Variants in KHDRBS3 observed in about 807,000 individuals in gnomAD.
KHDRBS3 encodes KH RNA binding domain containing, signal transduction associated 3, also known as KH domain-containing, RNA-binding, signal transduction-associated protein 3.
Under a neutral mutation model 45.6 loss-of-function variants are expected in KHDRBS3, and 23 were observed. That is an observed-to-expected ratio of 0.50 (90% CI 0.36 to 0.72). The LOEUF (loss-of-function observed/expected upper bound fraction) is 0.72. Ranked by LOEUF, KHDRBS3 falls within the 30% of genes least tolerant of loss-of-function variation. The pLI is 0.00. For missense variants in KHDRBS3, 352 were observed against 424.8 expected, an observed-to-expected ratio of 0.83 and a Z score of 1.51; for synonymous variants, 162 against 156.5, an observed-to-expected ratio of 1.04 and a Z score of -0.26.
At chr8:135,611,434 A>G (rs1005914987) in intron 7 of KHDRBS3, among the ~76,000 whole-genome samples, 5 of 151,932 alleles carry the variant, frequency 3.3e-5, no homozygotes, top group African/African-American at 7.3e-5. Flanking sequence ...CTGCTCTGCT[A>G]TAAATTGAAA....
chr8:135,525,552 G>A (rs1016982035), intron 2 of KHDRBS3, among the ~76,000 whole-genome samples: 5 of 152,098 alleles, frequency 3.3e-5, no homozygotes, highest in African/African-American at 1.2e-4. Flanking sequence ...TTTATATTTT[G>A]CTGTGAGTTT....
In KHDRBS3 at chr8:135,516,356, G is replaced by A. The variant is rs562067617; in HGVS notation, c.89-4881G>A. On this transcript the variant is annotated intron_variant, in intron 1 of 8. Coordinates refer to ENST00000355849, the MANE Select transcript of KHDRBS3 (RefSeq NM_006558.3). ...ATACATCTGGCAGCATGGAAGGTTT[G>A]TTTACACTATCATTGCCACAAACAT... is the stretch of plus-strand genomic sequence containing the variant. Among the ~76,000 whole-genome samples the A allele has an allele frequency of 2.0e-5, 3 of 152,268 alleles. No homozygotes were observed. In the South Asian group the frequency reaches 6.2e-4, roughly 32 times the overall value.
At chr8:135,498,528 A>G (rs974102510) in intron 1 of KHDRBS3, among the ~76,000 whole-genome samples, 1 of 152,122 alleles carries the variant, frequency 6.6e-6, no homozygotes, top group African/African-American at 2.4e-5. Context: ...CTTTGCTGTA[A>G]TTGTCTCCCT....
At chr8:135,581,345 C>T (rs1828197390) in intron 5 of KHDRBS3, among the ~76,000 whole-genome samples, 1 of 152,206 alleles carries the variant, frequency 6.6e-6, no homozygotes, top group Non-Finnish European at 1.5e-5. Flanking sequence ...CCTGTGTTTA[C>T]TTAACCTAAG....
At chr8:135,568,730 G>A (rs1827551149) in intron 5 of KHDRBS3, among the ~76,000 whole-genome samples, 1 of 152,176 alleles carries the variant, frequency 6.6e-6, no homozygotes, top group East Asian at 1.9e-4. Flanking sequence ...ACAATCAATG[G>A]AAACCTGTTT....
intron 4 of KHDRBS3, chr8:135,549,744 G>A (rs896473719): frequency 6.6e-6 from 1 of 152,192 alleles, no homozygotes; most frequent in Non-Finnish European, 1.5e-5. Context: ...GTTATCCCAG[G>A]TTAGTTTGGT....
At chr8:135,469,533 T>C (rs6986072) in intron 1 of KHDRBS3, among the ~76,000 whole-genome samples, 2 of 101,694 alleles carry the variant, frequency 2.0e-5, no homozygotes, top group East Asian at 3.2e-4. Flanking sequence ...GTTTTTTTTT[T>C]TTTTTTTTTT....
intron 7 of KHDRBS3, among the ~76,000 whole-genome samples, chr8:135,629,342 A>G (rs1365294699): frequency 6.6e-6 from 1 of 152,226 alleles, no homozygotes; most frequent in Non-Finnish European, 1.5e-5. Flanking sequence ...TCATTTAATT[A>G]TTACTCATTC....
chr8:135,473,036 GT>G (rs5895311), intron 1 of KHDRBS3, among the ~76,000 whole-genome samples: 111,025 of 142,584 alleles, frequency 0.78, 43,093 homozygotes, highest in East Asian at 0.95. Context: ...TATTTGAAAA[GT>G]TTTTTTTTTT....
intron 7 of KHDRBS3, chr8:135,625,674 T>C (rs977403207): frequency 2.5e-6 from 2 of 814,356 alleles, no homozygotes; most frequent in Non-Finnish European, 4.3e-6. Flanking sequence ...TTCAAAATTT[T>C]CCTGAAACTT....
Position 135,457,965 on chromosome 8 carries a change from GGCCGTTAACT to G in KHDRBS3, c.88+16_88+25del. On this transcript the variant is annotated intron_variant, in intron 1 of 8. Coordinates refer to ENST00000355849, the MANE Select transcript of KHDRBS3 (RefSeq NM_006558.3). This position sits in a 1 kb window ranked among gnomAD's most constrained non-coding sequence, Gnocchi z 4.4. ...GCCTGGTGAACCAAGGTGAGGCGCC[GGCCGTTAACT>G]GCCGGCCGGCGGCGGTTGGGGGCCG... 6.3e-7 allele frequency: 1 copy of G among 1,583,760 alleles called. No homozygotes were observed. The highest frequency in any genetic ancestry group is 1.1e-5 in the South Asian group (1 of 87,152).
At chr8:135,471,492 G>T (rs1822011542) in intron 1 of KHDRBS3, among the ~76,000 whole-genome samples, 1 of 152,224 alleles carries the variant, frequency 6.6e-6, no homozygotes, top group African/African-American at 2.4e-5. Context: ...TGCTTAAAGA[G>T]TGTTCAGCTC....
intron 6 of KHDRBS3, among the ~76,000 whole-genome samples, chr8:135,592,877 C>T (rs1414277680): frequency 6.6e-6 from 1 of 151,874 alleles, no homozygotes; most frequent in Non-Finnish European, 1.5e-5. Context: ...GTAGATTCCT[C>T]TGTTGCCATC....
intron 1 of KHDRBS3, among the ~76,000 whole-genome samples, chr8:135,478,272 A>AT (rs1822395197): frequency 6.6e-6 from 1 of 152,198 alleles, no homozygotes; most frequent in Non-Finnish European, 1.5e-5. Flanking sequence ...TAATAAATAC[A>AT]TTTTTGTTAC....
chr8:135,542,695 T>G lies in KHDRBS3; in HGVS notation c.249T>G (p.Ser83=). ...VGKLLGPRGN[S]LKRLQEETLT... Reference sequence around the variant, plus strand: ...AACTTTTGGGTCCACGTGGCAATTCTCTGAAGCGTTTACAAGAAGAAACCT... The same window carrying G: ...AACTTTTGGGTCCACGTGGCAATTCGCTGAAGCGTTTACAAGAAGAAACCT... Residue 83 remains serine (S), a synonymous_variant, in exon 3 of 9, where the codon TCT becomes TCG. Transcript: ENST00000355849. The G allele has an allele frequency of 6.2e-7, 1 of 1,613,894 alleles. No individual in the cohort carries two copies. Among genetic ancestry groups the G allele is most frequent in the Non-Finnish European group, 8.5e-7 (1 of 1,179,826 alleles).
At chr8:135,626,796 T>A in intron 7 of KHDRBS3, among the ~76,000 whole-genome samples, 2 of 56,408 alleles carry the variant, frequency 3.5e-5, no homozygotes, top group Non-Finnish European at 5.3e-5. Context: ...ACAGCGAGAC[T>A]CCGTCTCAAA....
intron 5 of KHDRBS3, among the ~76,000 whole-genome samples, chr8:135,580,371 G>T (rs1000241427): frequency 3.3e-5 from 5 of 152,074 alleles, no homozygotes; most frequent in African/African-American, 4.8e-5. Flanking sequence ...AAACCATATG[G>T]AGTTGATGCT....
intron 2 of KHDRBS3, among the ~76,000 whole-genome samples, chr8:135,531,174 A>G (rs1246993137): frequency 1.3e-5 from 2 of 152,102 alleles, no homozygotes; most frequent in African/African-American, 2.4e-5. Context: ...GTGCATGTCT[A>G]TGTTTTTTTT....
intron 6 of KHDRBS3, among the ~76,000 whole-genome samples, chr8:135,588,286 C>T (rs1828577083): frequency 6.6e-6 from 1 of 152,112 alleles, no homozygotes. Flanking sequence ...GGATACAGGT[C>T]AGGATCAGTC....
Sources: gnomAD v4.1 joint callset for allele counts (sites outside exome capture counted in the v4.1 genomes callset) on GRCh38, gnomAD v4.1.1 for gene constraint, Gnocchi (gnomAD v3.1) non-coding constraint, MANE v1.5 for transcripts, NCBI Gene and HGNC (gene_info 2026-07-23, HGNC 2026-07-21) for gene names.